NFIB: variants seen among roughly 807,000 people sequenced by gnomAD.
NFIB encodes nuclear factor I B, also known as nuclear factor 1 B-type.
In NFIB, 11 loss-of-function variants were observed where a neutral mutation model predicts 61.5. The ratio of observed to expected loss-of-function variants is 0.18; its 90% CI spans 0.11 to 0.30. The LOEUF is 0.30. Ranked by LOEUF, NFIB falls within the 10% of genes least tolerant of loss-of-function variation. NFIB has a pLI of 1.00. For missense variants in NFIB, 471 were observed against 608.9 expected, an observed-to-expected ratio of 0.77 and a Z score of 2.38; for synonymous variants, 260 against 216.5, an observed-to-expected ratio of 1.20 and a Z score of -1.76.
the NFIB span, among the ~76,000 whole-genome samples, chr9:14,455,074 T>G: frequency 7.9e-5 from 12 of 152,348 alleles, no homozygotes; most frequent in East Asian, 2.3e-3. Flanking sequence ...TTAATTTGAC[T>G]GATACAAATA....
At chr9:14,477,438 C>A in the NFIB span, among the ~76,000 whole-genome samples, 1 of 152,042 alleles carries the variant, frequency 6.6e-6, no homozygotes, top group Admixed American at 6.6e-5. Context: ...CAGAACCATC[C>A]AAATAATGAG....
At chr9:14,136,342 C>T (rs1191266594) in intron 6 of NFIB, among the ~76,000 whole-genome samples, 4 of 152,082 alleles carry the variant, frequency 2.6e-5, no homozygotes, top group Admixed American at 2.6e-4. Context: ...TTATTAAACA[C>T]TGGCATAGGT....
At chr9:14,308,551 T>C (rs2060135287) in intron 1 of NFIB, among the ~76,000 whole-genome samples, 1 of 152,182 alleles carries the variant, frequency 6.6e-6, no homozygotes, top group Non-Finnish European at 1.5e-5. Context: ...CAATGAAAAA[T>C]GGCAACTTGG....
chr9:14,507,939 AACAC>A, the NFIB span, among the ~76,000 whole-genome samples: 1 of 148,120 alleles, frequency 6.8e-6, no homozygotes, highest in African/African-American at 2.5e-5. Flanking sequence ...AAGAGGCATA[AACAC>A]ACACAGACAC....
chr9:14,169,240 T>G (rs1161531145), intron 3 of NFIB, among the ~76,000 whole-genome samples: 1 of 152,112 alleles, frequency 6.6e-6, no homozygotes, highest in Non-Finnish European at 1.5e-5. Flanking sequence ...TTTAATAAGA[T>G]CAAATCTGAA....
chr9:14,408,334 C>T, the NFIB span, among the ~76,000 whole-genome samples: 1 of 152,124 alleles, frequency 6.6e-6, no homozygotes, highest in African/African-American at 2.4e-5. Context: ...CCTATTTCAG[C>T]CACTTTTTAC....
the NFIB span, among the ~76,000 whole-genome samples, chr9:14,506,243 T>C: frequency 6.6e-6 from 1 of 152,164 alleles, no homozygotes; most frequent in Non-Finnish European, 1.5e-5. Context: ...TTTATGCTGC[T>C]TGGGGGAGGG....
chr9:14,351,050 C>T (rs959162000), intron 1 of NFIB, among the ~76,000 whole-genome samples: 1 of 152,150 alleles, frequency 6.6e-6, no homozygotes, highest in African/African-American at 2.4e-5. Flanking sequence ...GGAAATGAAT[C>T]AGCTGTGTGT....
chr9:14,455,143 G>C, the NFIB span, among the ~76,000 whole-genome samples: 2 of 152,192 alleles, frequency 1.3e-5, no homozygotes, highest in Non-Finnish European at 2.9e-5. Context: ...TTTGGTGACA[G>C]ACTGAATGAA....
chr9:14,088,545 G>T (rs1284503877), intron 10 of NFIB, among the ~76,000 whole-genome samples: 1 of 152,028 alleles, frequency 6.6e-6, no homozygotes, highest in Non-Finnish European at 1.5e-5. Flanking sequence ...TAAGACTAAA[G>T]TGAGGCAGAA....
intron 1 of NFIB, among the ~76,000 whole-genome samples, chr9:14,339,907 C>T (rs936544771): frequency 1.3e-5 from 2 of 152,138 alleles, no homozygotes; most frequent in Non-Finnish European, 2.9e-5. Flanking sequence ...GTAAGTGAGC[C>T]AGCCTCCCAA....
At chr9:14,260,167 C>T (rs1045896205) in intron 2 of NFIB, among the ~76,000 whole-genome samples, 2 of 152,136 alleles carry the variant, frequency 1.3e-5, no homozygotes, top group Non-Finnish European at 2.9e-5. Context: ...AAAAGTGAGG[C>T]GCACTGACTT....
chr9:14,319,340 A>G (rs935794208), intron 1 of NFIB, among the ~76,000 whole-genome samples: 1 of 152,230 alleles, frequency 6.6e-6, no homozygotes, highest in African/African-American at 2.4e-5. Flanking sequence ...AGGCCAGTGC[A>G]TCAACAGAGA....
At chr9:14,196,194 T>C (rs1044497572) in intron 2 of NFIB, among the ~76,000 whole-genome samples, 1 of 152,136 alleles carries the variant, frequency 6.6e-6, no homozygotes, top group African/African-American at 2.4e-5. Flanking sequence ...GCAGTGATGA[T>C]GAGATAAAAG....
the NFIB span, among the ~76,000 whole-genome samples, chr9:14,422,731 C>T: frequency 6.6e-6 from 1 of 152,180 alleles, no homozygotes; most frequent in East Asian, 1.9e-4. Flanking sequence ...GTACAAAATC[C>T]ACCCAACCAG....
intron 2 of NFIB, among the ~76,000 whole-genome samples, chr9:14,288,097 T>C (rs2058836693): frequency 6.6e-6 from 1 of 152,118 alleles, no homozygotes; most frequent in African/African-American, 2.4e-5. Context: ...GATTTTTTAA[T>C]TGCCTATAGA....
At chr9:14,202,459 T>C (rs531655635) in intron 2 of NFIB, among the ~76,000 whole-genome samples, 2 of 152,318 alleles carry the variant, frequency 1.3e-5, no homozygotes, top group East Asian at 3.9e-4. Flanking sequence ...AAAATTACTT[T>C]GTGGTCACAT....
At chr9:14,257,930 A>G (rs962571690) in intron 2 of NFIB, among the ~76,000 whole-genome samples, 13 of 152,188 alleles carry the variant, frequency 8.5e-5, no homozygotes, top group African/African-American at 2.9e-4. Flanking sequence ...TTAAAGCATC[A>G]TATCAGTATC....
chr9:14,345,994 G>A (rs1349301125), intron 1 of NFIB, among the ~76,000 whole-genome samples: 1 of 152,200 alleles, frequency 6.6e-6, no homozygotes, highest in Non-Finnish European at 1.5e-5. Flanking sequence ...GGCAACATGG[G>A]CCAAGTGGTA....
Sources: gnomAD v4.1 joint callset for allele counts (sites outside exome capture counted in the v4.1 genomes callset) on GRCh38, gnomAD v4.1.1 for gene constraint, MANE v1.5 for transcripts, NCBI Gene and HGNC (gene_info 2026-07-23, HGNC 2026-07-21) for gene names.